The following EDAR variants were observed in gnomAD, a reference collection of about 807,000 sequenced individuals.
The protein encoded by EDAR is ectodysplasin A receptor.
EDAR carries 38 observed loss-of-function variants against 51.3 expected under a neutral mutation model. That is an observed-to-expected ratio of 0.74 (90% CI 0.57 to 0.97). EDAR has a LOEUF of 0.97. EDAR is among the 50% of genes least tolerant of loss of function. The pLI, the probability that EDAR is intolerant of heterozygous loss-of-function variation, is 0.00. For missense variants in EDAR, 528 were observed against 595.0 expected, an observed-to-expected ratio of 0.89 and a Z score of 1.17; for synonymous variants, 227 against 242.1, an observed-to-expected ratio of 0.94 and a Z score of 0.58.
At chr2:108,946,706 A>C (rs1434948527) in intron 1 of EDAR, among the ~76,000 whole-genome samples, 1 of 152,160 alleles carries the variant, frequency 6.6e-6, no homozygotes, top group African/African-American at 2.4e-5. Flanking sequence ...TGCCAGATAC[A>C]TATCAAACAA....
In EDAR at chr2:108,897,221, G is replaced by T; in HGVS notation, c.1033C>A (p.Pro345Thr). Reference sequence around the variant, plus strand: ...AGGCAATCAAATGGCAGCTCCGTGGGGCTAAGACCTACAGACACCAATGGC... The same window carrying T: ...AGGCAATCAAATGGCAGCTCCGTGGTGCTAAGACCTACAGACACCAATGGC... Reference protein sequence around the residue: ...NVCGVVEGLSPTELPFDCLEK... With the variant: ...NVCGVVEGLSTTELPFDCLEK... Residue 345 changes from proline (P) to threonine (T), a missense_variant, in exon 12 of 12, where the codon CCC becomes ACC. By Grantham distance (38) the Pro-to-Thr change is conservative. Transcript: ENST00000258443. 6.2e-7 allele frequency: 1 copy of T among 1,613,630 alleles called. No homozygotes were observed. Among genetic ancestry groups the T allele is most frequent in the Non-Finnish European group, 8.5e-7 (1 of 1,179,994 alleles).
At chr2:108,942,292 G>A (rs531121556) in intron 1 of EDAR, among the ~76,000 whole-genome samples, 2 of 152,338 alleles carry the variant, frequency 1.3e-5, no homozygotes, top group African/African-American at 2.4e-5. Flanking sequence ...TGGGAGAGCC[G>A]AGGCACAATG....
At chr2:108,915,878 C>G (rs1287672667) in intron 5 of EDAR, among the ~76,000 whole-genome samples, 2 of 151,084 alleles carry the variant, frequency 1.3e-5, no homozygotes, top group African/African-American at 4.9e-5. Context: ...TGCTGGGCAA[C>G]AAGAGCGAAA....
At chr2:108,954,946 A>G (rs868367307) in intron 1 of EDAR, among the ~76,000 whole-genome samples, 6 of 152,088 alleles carry the variant, frequency 3.9e-5, no homozygotes. Context: ...AGCCTCCCAA[A>G]GTGCTGGGAT....
rs971217442 is a variant in EDAR, at chr2:108,980,093, TGTGGG to T, written c.-19+8862_-19+8866del. On this transcript the variant is annotated intron_variant, in intron 1 of 11. Coordinates refer to ENST00000258443, the MANE Select transcript of EDAR (RefSeq NM_022336.4). ...CCCATCGTCAAGTTCAAATGAATGG[TGTGGG>T]GTGGGGTGGGGTGGGGTCGGGTGGG... Among the ~76,000 whole-genome samples, 4 of 30,046 alleles carry T rather than the reference TGTGGG, an allele frequency of 1.3e-4. No homozygotes were observed. In the East Asian group the frequency reaches 2.3e-3, roughly 17 times the overall value. 19.7% of individuals were successfully genotyped at this position (30,046 alleles called of 152,430 possible). A position where few individuals can be genotyped will look rare whatever the true frequency, so the allele number is the denominator to read the frequency against.
intron 1 of EDAR, among the ~76,000 whole-genome samples, chr2:108,963,289 A>G (rs1482925766): frequency 2.0e-5 from 3 of 152,238 alleles, no homozygotes; most frequent in Non-Finnish European, 4.4e-5. Flanking sequence ...ACACACTGTT[A>G]AACTGTTCAT....
chr2:108,954,984 G>A (rs260705), intron 1 of EDAR, among the ~76,000 whole-genome samples: 49,935 of 151,908 alleles, frequency 0.33, 13,085 homozygotes, highest in East Asian at 0.95. Context: ...AGACCTGGCC[G>A]GGAAGATAAT....
intron 6 of EDAR, 52 bp from the exon 7 acceptor site, chr2:108,911,124 T>G: frequency 6.2e-7 from 1 of 1,611,784 alleles, no homozygotes; most frequent in Non-Finnish European, 8.5e-7. Flanking sequence ...TCCCTGCTGG[T>G]CTTCCCTCCA....
intron 1 of EDAR, among the ~76,000 whole-genome samples, chr2:108,958,076 G>A (rs1697959502): frequency 6.6e-6 from 1 of 152,090 alleles, no homozygotes; most frequent in Non-Finnish European, 1.5e-5. Context: ...ATGCCCGTGA[G>A]CCTCACCCTC....
chr2:108,974,329 CAAAAAAAAA>C (rs11346592), intron 1 of EDAR, among the ~76,000 whole-genome samples: 13 of 61,496 alleles, frequency 2.1e-4, no homozygotes, highest in Non-Finnish European at 2.7e-4. Flanking sequence ...GGATCCGTCT[CAAAAAAAAA>C]AAAAAAAAAA....
rs1042998592 is a variant in EDAR at position 108,902,393 on chromosome 2, A to G, written c.1024+3915T>C. Among the ~76,000 whole-genome samples the G allele has an allele frequency of 1.8e-4, 28 of 152,008 alleles. 3 individuals are homozygous for G. The highest frequency in any genetic ancestry group is 5.9e-5 in the Non-Finnish European group (4 of 67,996). On this transcript the variant is annotated intron_variant, in intron 11 of 11. Coordinates refer to ENST00000258443, the MANE Select transcript of EDAR (RefSeq NM_022336.4). ...TCCATCTCAAAAACAAAACAAAACA[A>G]AACAAAAAAACCTCCCCAAAAGAAA...
intron 1 of EDAR, among the ~76,000 whole-genome samples, chr2:108,969,046 T>C (rs1698195476): frequency 1.3e-5 from 2 of 152,186 alleles, no homozygotes; most frequent in Admixed American, 6.5e-5. Context: ...GGATCCCTCA[T>C]TAAGGAGCTG....
At chr2:108,900,765 C>T (rs539119337) in intron 11 of EDAR, among the ~76,000 whole-genome samples, 2 of 152,214 alleles carry the variant, frequency 1.3e-5, no homozygotes, top group Non-Finnish European at 2.9e-5. Flanking sequence ...GTGGCTATAA[C>T]ATCAGTTAAA....
chr2:108,947,791 G>T (rs1697742438), intron 1 of EDAR, among the ~76,000 whole-genome samples: 1 of 152,146 alleles, frequency 6.6e-6, no homozygotes. Context: ...GGGAGAGGCT[G>T]GTGTGAAGAT....
chr2:108,917,180 A>G (rs1697043718), intron 5 of EDAR, among the ~76,000 whole-genome samples: 1 of 152,192 alleles, frequency 6.6e-6, no homozygotes, highest in Non-Finnish European at 1.5e-5. Context: ...AAGGAAATGG[A>G]TCTGCCCCAA....
intron 1 of EDAR, among the ~76,000 whole-genome samples, chr2:108,972,264 A>G (rs376076706): frequency 1.3e-5 from 2 of 152,266 alleles, no homozygotes; most frequent in African/African-American, 4.8e-5. Context: ...CCTGTAAGAG[A>G]CCAACTTCTG....
intron 1 of EDAR, chr2:108,940,305 C>T (rs260710): frequency 0.26 from 39,068 of 152,332 alleles, 8,138 homozygotes; most frequent in East Asian, 0.93. Context: ...GAGGCTGAGC[C>T]TCCCAGGATG....
At chr2:108,920,981 T>C (rs1288089193) in intron 5 of EDAR, among the ~76,000 whole-genome samples, 1 of 152,102 alleles carries the variant, frequency 6.6e-6, no homozygotes, top group African/African-American at 2.4e-5. Context: ...TAACCTACCG[T>C]AGTGGTTCCC....
In EDAR at chr2:108,931,036, A is replaced by G. The variant is rs149532586; in HGVS notation, c.-18-4T>C. ...CCATCCTCTCCCAAGGGCTCACCTG[A>G]AAGACATGCGTCATTAGCTGGGCAC... On this transcript the variant is annotated splice_polypyrimidine_tract_variant and splice_region_variant and intron_variant, in intron 1 of 11. Coordinates refer to ENST00000258443, the MANE Select transcript of EDAR (RefSeq NM_022336.4). 1,763 of 1,613,886 alleles carry G rather than the reference A, an allele frequency of 1.1e-3. 15 individuals carry two copies. In the African/African-American group the frequency reaches 0.021, roughly 19 times the overall value.
Sources: allele counts gnomAD v4.1 joint callset (sites outside exome capture counted in the v4.1 genomes callset), GRCh38; gene constraint gnomAD v4.1.1; transcripts MANE v1.5; gene names NCBI Gene and HGNC (gene_info 2026-07-23, HGNC 2026-07-21).